AXDND1: variants seen among roughly 807,000 people sequenced by gnomAD.
AXDND1 encodes axonemal dynein light chain domain-containing protein 1.
AXDND1 carries 110 observed loss-of-function variants against 137.5 expected under a neutral mutation model. That is an observed-to-expected ratio of 0.80 (90% CI 0.69 to 0.94). The LOEUF (loss-of-function observed/expected upper bound fraction) is 0.94, where lower values mean the gene tolerates loss of function less well. Ranked by LOEUF, AXDND1 falls within the 40% of genes least tolerant of loss-of-function variation. The pLI is 0.00. For synonymous variants in AXDND1, 414 were observed against 399.7 expected (o/e 1.04, Z -0.43); for missense variants, 1,191 against 1,169.8 (o/e 1.02, Z -0.26).
intron 23 of AXDND1, among the ~76,000 whole-genome samples, chr1:179,530,431 T>G (rs1670940882): frequency 6.6e-6 from 1 of 152,186 alleles, no homozygotes; most frequent in Non-Finnish European, 1.5e-5. Flanking sequence ...CTTGCTTCTC[T>G]AAAGTTAGAA....
At chr1:179,417,297 T>A (rs1211882061) in intron 12 of AXDND1, among the ~76,000 whole-genome samples, 1 of 152,132 alleles carries the variant, frequency 6.6e-6, no homozygotes, top group East Asian at 1.9e-4. Flanking sequence ...TCTGTAGGTT[T>A]TCTCTTCACT....
chr1:179,422,995 C>T (rs984751543), intron 12 of AXDND1, among the ~76,000 whole-genome samples: 1 of 152,096 alleles, frequency 6.6e-6, no homozygotes, highest in Non-Finnish European at 1.5e-5. Flanking sequence ...AACTCCTGAC[C>T]TCAAGTGATC....
At chr1:179,429,424 A>T in intron 12 of AXDND1, 94 bp from the exon 13 acceptor site, 1 of 576,356 alleles carries the variant, frequency 1.7e-6, no homozygotes, top group Non-Finnish European at 2.8e-6. Flanking sequence ...TGAGTTAATG[A>T]TTCCATGAAA....
At chr1:179,539,545 C>T (rs1264459826) in intron 25 of AXDND1, among the ~76,000 whole-genome samples, 1 of 152,186 alleles carries the variant, frequency 6.6e-6, no homozygotes, top group African/African-American at 2.4e-5. Context: ...TGTAGGGTTT[C>T]TGCTGAGAGA....
intron 20 of AXDND1, among the ~76,000 whole-genome samples, chr1:179,498,376 A>C (rs1667671887): frequency 6.6e-6 from 1 of 152,144 alleles, no homozygotes; most frequent in Non-Finnish European, 1.5e-5. Flanking sequence ...GATCTTCAAC[A>C]ATGCTGACAA....
At chr1:179,391,578 C>T (rs540654524) in intron 9 of AXDND1, among the ~76,000 whole-genome samples, 5 of 151,598 alleles carry the variant, frequency 3.3e-5, no homozygotes, top group African/African-American at 1.2e-4. Context: ...ACTCTGTTGC[C>T]CAGGCTGTAG....
At chr1:179,460,088 A>G (rs960854468) in intron 16 of AXDND1, among the ~76,000 whole-genome samples, 8 of 150,492 alleles carry the variant, frequency 5.3e-5, no homozygotes, top group African/African-American at 1.7e-4. Context: ...ACATGTGCAC[A>G]ACGTGCAGGT....
At chr1:179,435,611 A>G (rs939561692) in intron 15 of AXDND1, among the ~76,000 whole-genome samples, 8 of 152,334 alleles carry the variant, frequency 5.3e-5, no homozygotes, top group Middle Eastern at 3.4e-3. Context: ...TCTGTTTAAT[A>G]AATGGTGCTA....
At chr1:179,432,487 G>GAACCAAGATCACACTAC in intron 15 of AXDND1, 145 bp downstream of exon 15, 1 of 1,188,290 alleles carries the variant, frequency 8.4e-7, no homozygotes, top group Non-Finnish European at 1.1e-6. Context: ...GCGCAGTAGT[G>GAACCAAGATCACACTAC]TGATCTTGGT....
rs772150973 is a variant in AXDND1 at position 179,411,243 on chromosome 1, G to A, written c.1207G>A (p.Ala403Thr). 1.2e-5 allele frequency: 20 copies of A among 1,611,480 alleles called. No individual in the cohort carries two copies. The highest frequency in any genetic ancestry group is 1.6e-5 in the Non-Finnish European group (19 of 1,179,308). The change falls in exon 12 of 26, where the codon GCC becomes ACC. Residue 403 changes from alanine to threonine, a missense_variant. Physicochemically the swap from Ala to Thr is moderately conservative, Grantham distance 58 (BLOSUM62 0). Coordinates refer to ENST00000367618, the MANE Select transcript of AXDND1 (RefSeq NM_144696.6). Reference protein sequence around the residue: ...LVAERDIWSSATYELALKVIE... With the variant: ...LVAERDIWSSTTYELALKVIE... ...GGCAGAAAGAGATATCTGGAGCTCA[G>A]CCACATATGAATTGGCCCTGAAGGT...
intron 18 of AXDND1, among the ~76,000 whole-genome samples, chr1:179,490,103 C>T (rs1203271390): frequency 6.6e-6 from 1 of 152,134 alleles, no homozygotes; most frequent in Non-Finnish European, 1.5e-5. Context: ...AGAACTTACT[C>T]CCTGATAAGT....
At position 179,489,792 on chromosome 1, in the gene AXDND1, C is replaced by T. The variant is rs1392351116; in HGVS notation, c.2092-1746C>T. On this transcript the variant is annotated intron_variant, in intron 18 of 25. Transcript: ENST00000367618. ...ACGGAGTCTCGCTCTGTCGCCCAGG[C>T]TGGAGTGCAGTGGAACCGTCTCGGC... 3.0e-5 allele frequency among the ~76,000 whole-genome samples: 4 copies of T among 135,150 alleles called. No individual in the cohort carries two copies. The East Asian group carries it at 8.5e-4, about 29-fold the overall frequency. 88.7% of individuals were successfully genotyped at this position (135,150 alleles called of 152,430 possible).
chr1:179,553,817 C>G (rs111530585), intron 25 of AXDND1, among the ~76,000 whole-genome samples: 1 of 152,072 alleles, frequency 6.6e-6, no homozygotes, highest in Non-Finnish European at 1.5e-5. Context: ...ACAATCTCGA[C>G]TCACTGCAGC....
intron 2 of AXDND1, among the ~76,000 whole-genome samples, chr1:179,368,136 C>T (rs549841817): frequency 6.6e-6 from 1 of 152,248 alleles, no homozygotes; most frequent in East Asian, 1.9e-4. Context: ...ACAACTCAAC[C>T]CTACCTGACT....
chr1:179,368,766 T>C, intron 2 of AXDND1, 34 bp from the exon 3 acceptor site: 1 of 1,541,548 alleles, frequency 6.5e-7, no homozygotes, highest in South Asian at 1.2e-5. Flanking sequence ...AAAAAATATA[T>C]AGTAAGAGTT....
intron 17 of AXDND1, among the ~76,000 whole-genome samples, chr1:179,475,959 C>A (rs1319541756): frequency 6.6e-6 from 1 of 152,130 alleles, no homozygotes; most frequent in East Asian, 1.9e-4. Flanking sequence ...ATAGTGAGTT[C>A]TTATGCAATA....
chr1:179,550,155 G>T (rs1395009274), intron 25 of AXDND1, among the ~76,000 whole-genome samples: 1 of 152,138 alleles, frequency 6.6e-6, no homozygotes, highest in Non-Finnish European at 1.5e-5. Context: ...AGTAATGTTA[G>T]TAATGTTTTA....
intron 16 of AXDND1, chr1:179,448,195 C>T: frequency 2.3e-6 from 2 of 877,678 alleles, no homozygotes; most frequent in Non-Finnish European, 3.9e-6. Flanking sequence ...TTGTTCAGAG[C>T]CTCAACAATA....
At chr1:179,407,484 C>A (rs531355819) in intron 11 of AXDND1, among the ~76,000 whole-genome samples, 1 of 152,268 alleles carries the variant, frequency 6.6e-6, no homozygotes, top group Admixed American at 6.5e-5. Context: ...ACTGGCCTCC[C>A]AAAGTGTTGG....
Sources: allele counts gnomAD v4.1 joint callset (sites outside exome capture counted in the v4.1 genomes callset), GRCh38; gene constraint gnomAD v4.1.1; transcripts MANE v1.5; gene names NCBI Gene and HGNC (gene_info 2026-07-23, HGNC 2026-07-21).